PLK4: variants seen among roughly 807,000 people sequenced by gnomAD.
PLK4 encodes serine/threonine-protein kinase PLK4.
Under a neutral mutation model 103.0 loss-of-function variants are expected in PLK4, and 51 were observed. The observed-to-expected ratio is 0.50, with a 90% CI of 0.40 to 0.63. The LOEUF (loss-of-function observed/expected upper bound fraction) is 0.63, where lower values mean the gene tolerates loss of function less well. Ranked by LOEUF, PLK4 falls within the 20% of genes least tolerant of loss-of-function variation. The pLI is 0.00. For missense variants in PLK4, 1,054 were observed against 1,151.0 expected, an observed-to-expected ratio of 0.92 and a Z score of 1.22; for synonymous variants, 389 against 376.8, an observed-to-expected ratio of 1.03 and a Z score of -0.38.
intron 2 of PLK4, among the ~76,000 whole-genome samples, chr4:127,882,985 C>G (rs147976722): frequency 6.5e-4 from 69 of 105,440 alleles, no homozygotes; most frequent in African/African-American, 2.0e-3. Context: ...TAAAATTTGC[C>G]TGAATTGGGA....
At chr4:127,887,235 C>A in intron 5 of PLK4, 161 bp from the exon 6 acceptor site, 1 of 534,686 alleles carries the variant, frequency 1.9e-6, no homozygotes, top group Non-Finnish European at 3.4e-6. Context: ...GGGAGTTTAG[C>A]TTTTTAAAGA....
chr4:127,890,210 A>G lies in PLK4; in HGVS notation c.1804A>G (p.Ile602Val). The G allele has an allele frequency of 6.2e-7, 1 of 1,603,716 alleles. No individual in the cohort carries two copies. Among genetic ancestry groups the G allele is most frequent in the Non-Finnish European group, 8.5e-7 (1 of 1,174,734 alleles). The stretch of plus-strand genomic sequence containing the variant: ...GTTGGTTGCTCACAGGTTAAAACCA[A>G]TCAGACAGAAAACCAAAAAGGCTGT... ...SPLVAHRLKP[I>V]RQKTKKAVVS... is the part of the protein sequence containing the mutation. Residue 602 changes from isoleucine (I) to valine (V), a missense_variant, in exon 7 of 16, where the codon ATC becomes GTC. Transcript: ENST00000270861.
intron 15 of PLK4, among the ~76,000 whole-genome samples, chr4:127,897,370 T>C (rs920332142): frequency 6.6e-6 from 1 of 152,254 alleles, no homozygotes; most frequent in Non-Finnish European, 1.5e-5. Context: ...ATTCATTCTA[T>C]ATGAAAATAT....
At chr4:127,893,079 G>T in intron 10 of PLK4, 1 of 406,360 alleles carries the variant, frequency 2.5e-6, no homozygotes, top group Non-Finnish European at 4.3e-6. Flanking sequence ...AAAAGTATCA[G>T]GCTTAAACCA....
At chr4:127,884,223 C>G (rs905612715) in intron 4 of PLK4, among the ~76,000 whole-genome samples, 17 of 152,170 alleles carry the variant, frequency 1.1e-4, no homozygotes, top group Non-Finnish European at 2.4e-4. Flanking sequence ...CAAATAAGGT[C>G]TATACATTGA....
In PLK4 at chr4:127,892,473, A is replaced by C; in HGVS notation, c.2147A>C (p.Glu716Ala). Reference sequence around the variant, plus strand: ...AGATATGCTAAATGCATTTTGATGGAGAATTCTCCTGGTGCTGATTTTGAG... The same window carrying C: ...AGATATGCTAAATGCATTTTGATGGCGAATTCTCCTGGTGCTGATTTTGAG... ...FTRYAKCILM[E>A]NSPGADFEVW... The change falls in exon 10 of 16, where the codon GAG (glutamate) becomes GCG (alanine). Residue 716 changes from glutamate to alanine, a missense_variant. Glu to Ala is a moderately radical substitution (Grantham distance 107, BLOSUM62 -1). This residue lies in a region of PLK4 where 680 missense variants were observed against 660.3 expected (regional missense o/e 1.03). Transcript: ENST00000270861. The C allele has an allele frequency of 6.2e-7, 1 of 1,601,696 alleles. No individual in the cohort carries two copies. The highest frequency in any genetic ancestry group is 8.5e-7 in the Non-Finnish European group (1 of 1,174,570).
At position 127,896,705 on chromosome 4, in the gene PLK4, C is replaced by T. The variant is rs1400563696; in HGVS notation, c.2704-96C>T. ...AAATATGTTAAATATTAATACAGAA[C>T]CACAAACCCTCTACTGTATAGTAAT... On this transcript the variant is annotated intron_variant, in intron 14 of 15. Transcript: ENST00000270861. 3 of 622,180 alleles carry T rather than the reference C, an allele frequency of 4.8e-6. No individual in the cohort carries two copies. In the African/African-American group the frequency reaches 5.6e-5, roughly 12 times the overall value. 38.5% of individuals were successfully genotyped at this position (622,180 alleles called of 1,614,324 possible).
At chr4:127,883,700 A>G (rs770574976) in intron 4 of PLK4, 147 bp downstream of exon 4, 24 of 484,456 alleles carry the variant, frequency 5.0e-5, no homozygotes, top group Non-Finnish European at 8.4e-5. Context: ...GATTTCCTAC[A>G]TCCCAAGCTG....
At position 127,881,057 on chromosome 4, in the gene PLK4, C is replaced by T. The variant is rs1734896173; in HGVS notation, c.-78C>T. On this transcript the variant is annotated 5_prime_UTR_variant, in exon 1 of 16. Transcript: ENST00000270861. ...CGAGCCTGATGGGCGCCAAGGCCGG[C>T]TGGCTGCTTGGAGCGCTGCCTCGAA... 6.5e-7 allele frequency: 1 copy of T among 1,545,364 alleles called. No individual in the cohort carries two copies. Among genetic ancestry groups the T allele is most frequent in the Non-Finnish European group, 8.9e-7 (1 of 1,120,114 alleles).
intron 6 of PLK4, 115 bp downstream of exon 6, chr4:127,887,611 C>T (rs1735184990): frequency 1.5e-6 from 1 of 674,762 alleles, no homozygotes; most frequent in South Asian, 1.9e-5. Flanking sequence ...GGTGCAGTAG[C>T]TCATGCCTGT....
Position 127,893,280 on chromosome 4 carries a change from T to C in PLK4, c.2189-5T>C. The C allele has an allele frequency of 8.5e-6, 13 of 1,534,242 alleles. No homozygotes were observed. The highest frequency in any genetic ancestry group is 1.1e-5 in the Non-Finnish European group (13 of 1,133,942). Reference sequence around the variant, plus strand: ...GAGAACAGTTTTCTGATTTTTTTTTTTTAGGGGTAAAAATACACAAAACAG... The same window carrying C: ...GAGAACAGTTTTCTGATTTTTTTTTCTTAGGGGTAAAAATACACAAAACAG... On this transcript the variant is annotated splice_region_variant and splice_polypyrimidine_tract_variant and intron_variant, in intron 10 of 15. Coordinates refer to ENST00000270861, the MANE Select transcript of PLK4 (RefSeq NM_014264.5).
rs1485110038 is a variant in PLK4 at position 127,891,560 on chromosome 4, T to G, written c.1936-19T>G. ...ACTTAATGGCATGTAATTAGAATTT[T>G]AAAAAAATCTTTTGGCAGATCACTA... On this transcript the variant is annotated intron_variant, in intron 8 of 15. Coordinates refer to ENST00000270861, the MANE Select transcript of PLK4 (RefSeq NM_014264.5). 9 of 1,228,936 alleles carry G rather than the reference T, an allele frequency of 7.3e-6. No individual in the cohort carries two copies. The highest frequency in any genetic ancestry group is 8.0e-6 in the Non-Finnish European group (7 of 875,212). 76.1% of individuals were successfully genotyped at this position (1,228,936 alleles called of 1,614,324 possible). A position where few individuals can be genotyped will look rare whatever the true frequency, so the allele number is the denominator to read the frequency against.
intron 14 of PLK4, 99 bp downstream of exon 14, chr4:127,895,192 T>TATCTTTTTACAAGGAAGTTTTTGTACCG (rs1414200275): frequency 1.2e-5 from 10 of 824,458 alleles, no homozygotes; most frequent in Non-Finnish European, 1.8e-5. Context: ...ATTGTAATGA[T>TATCTTTTTACAAGGAAGTTTTTGTACCG]ATCTTTTTAC....
chr4:127,895,047 A>C lies in PLK4; in HGVS notation c.2657A>C (p.Gln886Pro), dbSNP rs780987331. ...AAAGATTGTCTTCCTAAATCAGCAC[A>C]ACTTTTGAAATCTGTTTTTGTGAAA... ...SLKDCLPKSA[Q>P]LLKSVFVKNV... Residue 886 changes from glutamine (Q) to proline (P), a missense_variant, in exon 14 of 16, where the codon CAA becomes CCA. Physicochemically the swap from Gln to Pro is moderately conservative, Grantham distance 76 (BLOSUM62 -1). This residue lies in a region of PLK4 where 167 missense variants were observed against 200.7 expected (regional missense o/e 0.83). Coordinates refer to ENST00000270861, the MANE Select transcript of PLK4 (RefSeq NM_014264.5). The C allele has an allele frequency of 6.2e-7, 1 of 1,612,742 alleles. No individual in the cohort carries two copies. The highest frequency in any genetic ancestry group is 2.2e-5 in the East Asian group (1 of 44,746).
chr4:127,889,785 T>C (rs1735277214), intron 6 of PLK4, 81 bp from the exon 7 acceptor site: 1 of 1,015,648 alleles, frequency 9.8e-7, no homozygotes, highest in Admixed American at 2.7e-5. Context: ...AAAAATGCTA[T>C]TACAATCAGA....
At chr4:127,895,452 CTTTT>C (rs70966059) in intron 14 of PLK4, among the ~76,000 whole-genome samples, 5 of 65,190 alleles carry the variant, frequency 7.7e-5, no homozygotes, top group African/African-American at 2.7e-4. Flanking sequence ...GAGTAACTTT[CTTTT>C]TTTTTTTTTT....
In PLK4 at chr4:127,883,344, C is replaced by T. The variant is rs1471524422; in HGVS notation, c.209C>T (p.Pro70Leu). 6.3e-7 allele frequency: 1 copy of T among 1,585,820 alleles called. No individual in the cohort carries two copies. The highest frequency in any genetic ancestry group is 1.3e-5 in the African/African-American group (1 of 74,444). Reference sequence around the variant, plus strand: ...AAAATACATTGCCAATTGAAACATCCTTCTATCTTGGAGGTAAGATATAAA... The same window carrying T: ...AAAATACATTGCCAATTGAAACATCTTTCTATCTTGGAGGTAAGATATAAA... ...EVKIHCQLKH[P>L]SILELYNYFE... The change falls in exon 3 of 16, where the codon CCT (proline) becomes CTT (leucine). Residue 70 changes from proline to leucine, a missense_variant. Pro to Leu is a moderately conservative substitution (Grantham distance 98). Coordinates refer to ENST00000270861, the MANE Select transcript of PLK4 (RefSeq NM_014264.5).
Position 127,885,711 on chromosome 4 carries a change from G to A in PLK4, c.341G>A (p.Arg114Gln), listed in dbSNP as rs1161739892. ...RVKPFSENEA[R>Q]HFMHQIITGM... Reference sequence around the variant, plus strand: ...CTCTTTTTTAAAATCCTAACAGCTCGACACTTCATGCACCAGATCATCACA... The same window carrying A: ...CTCTTTTTTAAAATCCTAACAGCTCAACACTTCATGCACCAGATCATCACA... Residue 114 changes from arginine to glutamine, a missense_variant, in exon 5 of 16, where the codon CGA becomes CAA. By Grantham distance (43) the Arg-to-Gln change is conservative. Transcript: ENST00000270861. 21 of 1,598,266 alleles carry A rather than the reference G, an allele frequency of 1.3e-5. No homozygotes were observed. Among genetic ancestry groups the A allele is most frequent in the African/African-American group, 2.7e-5 (2 of 73,906 alleles).
intron 6 of PLK4, among the ~76,000 whole-genome samples, chr4:127,888,177 CAAAAAAAAAAAAAAAA>C (rs58491426): frequency 0.017 from 571 of 33,230 alleles, 6 homozygotes; most frequent in Non-Finnish European, 0.026. Flanking sequence ...TAGACTGTCT[CAAAAAAAAAAAAAAAA>C]AAAAAAAAAA....
Sources: allele counts gnomAD v4.1 joint callset (sites outside exome capture counted in the v4.1 genomes callset), GRCh38; gene constraint gnomAD v4.1.1; regional missense constraint gnomAD v4.1.1; transcripts MANE v1.5; gene names NCBI Gene and HGNC (gene_info 2026-07-23, HGNC 2026-07-21).